FAAH2: variants seen among roughly 807,000 people sequenced by gnomAD.
FAAH2 encodes the protein fatty acid amide hydrolase 2.
Under a neutral mutation model 36.9 loss-of-function variants are expected in FAAH2, and 60 were observed. That is an observed-to-expected ratio of 1.63 (90% CI 1.32 to 2.02). The LOEUF (loss-of-function observed/expected upper bound fraction) is 2.02, where lower values mean the gene tolerates loss of function less well. Ranked by LOEUF, FAAH2 falls within the 30% of genes most tolerant of loss-of-function variation. FAAH2 has a pLI of 0.00. For missense variants in FAAH2, 689 were observed against 397.5 expected, an observed-to-expected ratio of 1.73 and a Z score of -6.23; for synonymous variants, 214 against 143.8, an observed-to-expected ratio of 1.49 and a Z score of -3.49.
the FAAH2 span, among the ~76,000 whole-genome samples, chrX:57,275,645 G>A: frequency 9.8e-5 from 11 of 111,830 alleles, no homozygotes; most frequent in African/African-American, 2.9e-4. Context: ...GGATAGAGTC[G>A]AGACCTGCTA....
chrX:57,454,820 T>C (rs927669960), intron 10 of FAAH2, among the ~76,000 whole-genome samples: 1 of 112,026 alleles, frequency 8.9e-6, no homozygotes, highest in African/African-American at 3.2e-5. Flanking sequence ...AGATACCAAA[T>C]GTATGACTCA....
intron 3 of FAAH2, among the ~76,000 whole-genome samples, chrX:57,330,669 A>C (rs890183391): frequency 1.8e-5 from 2 of 111,401 alleles, no homozygotes; most frequent in African/African-American, 3.3e-5. Flanking sequence ...GCATCACGGA[A>C]CCTACCGACA....
At chrX:57,254,972 A>T in the FAAH2 span, among the ~76,000 whole-genome samples, 1 of 111,824 alleles carries the variant, frequency 8.9e-6, no homozygotes, top group Non-Finnish European at 1.9e-5. Flanking sequence ...AAAAAAATCA[A>T]TGAATCCAGG....
intron 10 of FAAH2, among the ~76,000 whole-genome samples, chrX:57,457,340 G>A (rs561905889): frequency 6.3e-5 from 7 of 111,249 alleles, no homozygotes; most frequent in South Asian, 3.8e-4. Flanking sequence ...CACAGCCAAC[G>A]TAATACTGAA....
At chrX:57,323,781 T>G (rs1489173574) in intron 3 of FAAH2, among the ~76,000 whole-genome samples, 1 of 108,587 alleles carries the variant, frequency 9.2e-6, no homozygotes, top group Non-Finnish European at 1.9e-5. Context: ...TTTCTCCCAT[T>G]TTGTAGGTTG....
chrX:57,377,924 C>T (rs1229459391), intron 5 of FAAH2, among the ~76,000 whole-genome samples: 1 of 111,772 alleles, frequency 8.9e-6, no homozygotes, highest in African/African-American at 3.3e-5. Context: ...TGAGCGCTCA[C>T]TCATGATTTG....
chrX:57,358,709 A>G (rs905164169), intron 5 of FAAH2, among the ~76,000 whole-genome samples: 23 of 111,572 alleles, frequency 2.1e-4, no homozygotes, highest in African/African-American at 7.5e-4. Flanking sequence ...AGAATTCAAG[A>G]TCTGAGTATT....
the FAAH2 span, among the ~76,000 whole-genome samples, chrX:57,248,753 CAAA>C: frequency 1.5e-3 from 22 of 14,492 alleles, no homozygotes; most frequent in African/African-American, 5.1e-3. Context: ...AGCTCCGTCT[CAAA>C]AAAAAAAAAA....
chrX:57,154,996 G>T, the FAAH2 span, among the ~76,000 whole-genome samples: 4 of 111,309 alleles, frequency 3.6e-5, no homozygotes, highest in Non-Finnish European at 5.7e-5. Flanking sequence ...GGTACTGGGG[G>T]TTGTCTTCCC....
chrX:57,279,816 C>T, the FAAH2 span, among the ~76,000 whole-genome samples: 1 of 111,562 alleles, frequency 9.0e-6, no homozygotes, highest in Admixed American at 9.5e-5. Flanking sequence ...AAGTTCTCAA[C>T]AAACAAGATT....
At chrX:57,392,842 AGT>A in intron 7 of FAAH2, 1 of 699,243 alleles carries the variant, frequency 1.4e-6, no homozygotes, top group Non-Finnish European at 2.3e-6. Context: ...GACAAGGACA[AGT>A]GTGTTTTGGC....
the FAAH2 span, chrX:57,126,779 C>T: frequency 9.0e-6 from 1 of 111,397 alleles, no homozygotes; most frequent in South Asian, 3.8e-4. Context: ...GTGATCTAAT[C>T]CTGGTCAATT....
the FAAH2 span, among the ~76,000 whole-genome samples, chrX:57,261,777 G>T: frequency 3.6e-5 from 4 of 110,232 alleles, no homozygotes; most frequent in African/African-American, 1.3e-4. Flanking sequence ...CAATGTGAAA[G>T]ATAAGTTTAA....
At chrX:57,233,204 C>G in the FAAH2 span, among the ~76,000 whole-genome samples, 1 of 111,250 alleles carries the variant, frequency 9.0e-6, no homozygotes, top group East Asian at 2.8e-4. Flanking sequence ...TGTCATTGTT[C>G]CCTGGTGGTC....
At chrX:57,271,477 C>A in the FAAH2 span, among the ~76,000 whole-genome samples, 1 of 112,186 alleles carries the variant, frequency 8.9e-6, no homozygotes, top group Non-Finnish European at 1.9e-5. Context: ...TAGGAGACAC[C>A]TCCAAGTAGG....
intron 3 of FAAH2, among the ~76,000 whole-genome samples, chrX:57,328,009 G>C (rs1462330296): frequency 9.0e-6 from 1 of 111,590 alleles, no homozygotes; most frequent in Admixed American, 9.6e-5. Flanking sequence ...ATGTACAGAT[G>C]GGTTTTTGGT....
At chrX:57,313,246 T>C (rs1363067134) in intron 3 of FAAH2, among the ~76,000 whole-genome samples, 2 of 108,944 alleles carry the variant, frequency 1.8e-5, no homozygotes, top group Non-Finnish European at 3.8e-5. Flanking sequence ...TGGAATGATA[T>C]AAGAAAACCA....
rs2055212656 is a variant in FAAH2 at position 57,393,352 on chromosome X, A to T, written c.996+12323A>T. Reference sequence around the variant, plus strand: ...GCATCTTTAGAGCGCTGACAGTGGCAACAAGCACCACCACGTGAGGGTGGA... The same window carrying T: ...GCATCTTTAGAGCGCTGACAGTGGCTACAAGCACCACCACGTGAGGGTGGA... On this transcript the variant is annotated intron_variant, in intron 7 of 10. Transcript: ENST00000374900. 21 of 754,478 alleles carry T rather than the reference A, an allele frequency of 2.8e-5. No individual in the cohort carries two copies. In the East Asian group the frequency reaches 6.7e-4, roughly 24 times the overall value. 62.2% of individuals were successfully genotyped at this position (754,478 alleles called of 1,213,427 possible).
the FAAH2 span, among the ~76,000 whole-genome samples, chrX:57,178,095 C>G: frequency 4.5e-5 from 5 of 111,685 alleles, no homozygotes. Context: ...TGTGACCTGT[C>G]TGTCCTCTTG....
Sources: gnomAD v4.1 joint callset for allele counts (sites outside exome capture counted in the v4.1 genomes callset) on GRCh38, gnomAD v4.1.1 for gene constraint, MANE v1.5 for transcripts, NCBI Gene and HGNC (gene_info 2026-07-23, HGNC 2026-07-21) for gene names.